Variants in CCBE1 observed in about 807,000 individuals in gnomAD.
The protein encoded by CCBE1 is collagen and calcium binding EGF domains 1, also known as collagen and calcium-binding EGF domain-containing protein 1.
Under a neutral mutation model 50.0 loss-of-function variants are expected in CCBE1, and 37 were observed. The ratio of observed to expected loss-of-function variants is 0.74; its 90% CI spans 0.57 to 0.97. The LOEUF (loss-of-function observed/expected upper bound fraction) is 0.97. Ranked by LOEUF, CCBE1 falls within the 50% of genes least tolerant of loss-of-function variation. The probability of loss-of-function intolerance (pLI) is 0.00; values close to 1 mark genes in which losing one functional copy is unlikely to be tolerated. For missense variants in CCBE1, 538 were observed against 523.8 expected (o/e 1.03, Z -0.26); for synonymous variants, 234 against 203.7 (o/e 1.15, Z -1.27).
At chr18:59,471,351 C>A (rs796756790) in intron 3 of CCBE1, among the ~76,000 whole-genome samples, 75 of 152,310 alleles carry the variant, frequency 4.9e-4, no homozygotes, top group African/African-American at 1.7e-3. Flanking sequence ...CTTCCAGTAA[C>A]AGAAGAGATG....
At chr18:59,586,718 C>G (rs1445495708) in intron 2 of CCBE1, among the ~76,000 whole-genome samples, 1 of 152,116 alleles carries the variant, frequency 6.6e-6, no homozygotes, top group African/African-American at 2.4e-5. Context: ...AGTTTCAGAC[C>G]CATTCAACAC....
rs1912636328 is a variant in CCBE1, at chr18:59,482,813, C to T, written c.213-2575G>A. On this transcript the variant is annotated intron_variant, in intron 2 of 10. Transcript: ENST00000439986. Reference sequence around the variant, plus strand: ...TCATATATGAGAAGCTGAGAATTAACCAGCTTACAGTGGATCTGCAAATCT... The same window carrying T: ...TCATATATGAGAAGCTGAGAATTAATCAGCTTACAGTGGATCTGCAAATCT... Among the ~76,000 whole-genome samples the T allele has an allele frequency of 2.7e-5, 4 of 149,440 alleles. No homozygotes were observed. The South Asian group carries it at 8.6e-4, about 32-fold the overall frequency.
intron 2 of CCBE1, among the ~76,000 whole-genome samples, chr18:59,655,682 C>T (rs1328511946): frequency 2.0e-5 from 3 of 152,198 alleles, no homozygotes; most frequent in Non-Finnish European, 1.5e-5. Flanking sequence ...AGCTAATGAG[C>T]TGGTTTTGCC....
intron 2 of CCBE1, among the ~76,000 whole-genome samples, chr18:59,576,360 T>C (rs1599028144): frequency 6.6e-6 from 1 of 152,252 alleles, no homozygotes; most frequent in South Asian, 2.1e-4. Context: ...TTTTCCGAAA[T>C]GGCTGTACCA....
intron 2 of CCBE1, among the ~76,000 whole-genome samples, chr18:59,510,805 G>A (rs1914099201): frequency 6.6e-6 from 1 of 152,174 alleles, no homozygotes; most frequent in East Asian, 1.9e-4. Context: ...CCTGATTATT[G>A]TATATTGCAT....
chr18:59,516,219 A>C lies in CCBE1; in HGVS notation c.213-35981T>G, dbSNP rs530979675. On this transcript the variant is annotated intron_variant, in intron 2 of 10. Transcript: ENST00000439986. ...AGTGATCCACCCGCCTCAGCCTCCC[A>C]AAGTGCTGGGATTACAGTTTGTTTT... Among the ~76,000 whole-genome samples, 5 of 150,666 alleles carry C rather than the reference A, an allele frequency of 3.3e-5. No homozygotes were observed. The South Asian group carries it at 1.0e-3, about 32-fold the overall frequency.
In CCBE1 at chr18:59,656,258, A is replaced by G. The variant is rs186989847; in HGVS notation, c.212+40371T>C. ...GGGGTAAGATTTCTGAGGGCACTAG[A>G]GTTGACTGAATTTTCTAGTACTTAA... On this transcript the variant is annotated intron_variant, in intron 2 of 10. Transcript: ENST00000439986. Among the ~76,000 whole-genome samples the G allele has an allele frequency of 4.6e-5, 7 of 152,370 alleles. No homozygotes were observed. The East Asian group carries it at 1.3e-3, about 29-fold the overall frequency.
intron 2 of CCBE1, among the ~76,000 whole-genome samples, chr18:59,611,430 G>T (rs1462942733): frequency 6.6e-6 from 1 of 152,230 alleles, no homozygotes; most frequent in Non-Finnish European, 1.5e-5. Context: ...CCACACATGA[G>T]TGAAGCAGAG....
intron 2 of CCBE1, among the ~76,000 whole-genome samples, chr18:59,591,430 G>C (rs1057426072): frequency 2.6e-5 from 4 of 152,080 alleles, no homozygotes; most frequent in Admixed American, 1.3e-4. Context: ...TTTGCATCAT[G>C]TATCACAAAT....
chr18:59,691,491 C>T (rs1438815180), intron 2 of CCBE1, among the ~76,000 whole-genome samples: 2 of 152,206 alleles, frequency 1.3e-5, no homozygotes, highest in East Asian at 3.8e-4. Context: ...CCACAACCTC[C>T]GCCTCCCAGG....
At chr18:59,443,413 G>A (rs1238609902) in intron 7 of CCBE1, among the ~76,000 whole-genome samples, 3 of 152,152 alleles carry the variant, frequency 2.0e-5, no homozygotes, top group African/African-American at 7.2e-5. Context: ...AGAGAGAGTG[G>A]GGGCCTGACA....
Position 59,645,947 on chromosome 18 carries a change from T to C in CCBE1, c.212+50682A>G, listed in dbSNP as rs1194021525. Among the ~76,000 whole-genome samples, 14 of 151,700 alleles carry C rather than the reference T, an allele frequency of 9.2e-5. No homozygotes were observed. The South Asian group carries it at 1.9e-3, about 20-fold the overall frequency. The stretch of plus-strand genomic sequence containing the variant: ...TTGGGAGGCTGAGGCAGGAGAATGG[T>C]GTGAACCCGGCAGACGGAGCTTGCA... On this transcript the variant is annotated intron_variant, in intron 2 of 10. Coordinates refer to ENST00000439986, the MANE Select transcript of CCBE1 (RefSeq NM_133459.4).
chr18:59,613,899 C>CA (rs1160899995), intron 2 of CCBE1, among the ~76,000 whole-genome samples: 28 of 96,286 alleles, frequency 2.9e-4, no homozygotes, highest in African/African-American at 1.2e-3. Context: ...CAGGGGGAGA[C>CA]AGTCTTGCTC....
intron 7 of CCBE1, among the ~76,000 whole-genome samples, chr18:59,447,027 A>G (rs1216809184): frequency 6.6e-6 from 1 of 152,222 alleles, no homozygotes; most frequent in Non-Finnish European, 1.5e-5. Context: ...CTAAAAATAT[A>G]AAATAACTTG....
rs186958588 is a variant in CCBE1, at chr18:59,566,457, A to C, written c.213-86219T>G. 1.6e-3 allele frequency among the ~76,000 whole-genome samples: 248 copies of C among 152,336 alleles called. 1 individual carries two copies. Among genetic ancestry groups the C allele is most frequent in the African/African-American group, 5.7e-3 (239 of 41,572 alleles). On this transcript the variant is annotated intron_variant, in intron 2 of 10. Coordinates refer to ENST00000439986, the MANE Select transcript of CCBE1 (RefSeq NM_133459.4). Reference sequence around the variant, plus strand: ...GGAAGCAAAAATAAAAAAAAAATTAAAAGTCAACCTAAGATGATGGAAGTA... The same window carrying C: ...GGAAGCAAAAATAAAAAAAAAATTACAAGTCAACCTAAGATGATGGAAGTA...
chr18:59,661,546 G>T (rs2054286010), intron 2 of CCBE1, among the ~76,000 whole-genome samples: 1 of 151,208 alleles, frequency 6.6e-6, no homozygotes, highest in African/African-American at 2.5e-5. Flanking sequence ...CAGAAACTGA[G>T]TTGGCAAATA....
chr18:59,644,377 T>A (rs1362951885), intron 2 of CCBE1, among the ~76,000 whole-genome samples: 2 of 152,222 alleles, frequency 1.3e-5, no homozygotes, highest in Non-Finnish European at 2.9e-5. Flanking sequence ...CTGGCTCACC[T>A]AAGGCTTCTC....
At chr18:59,629,091 C>G (rs1390228541) in intron 2 of CCBE1, among the ~76,000 whole-genome samples, 1 of 152,150 alleles carries the variant, frequency 6.6e-6, no homozygotes, top group Non-Finnish European at 1.5e-5. Context: ...CTCCTCTGTT[C>G]AAACTCTCCA....
intron 2 of CCBE1, among the ~76,000 whole-genome samples, chr18:59,551,769 A>T (rs999070322): frequency 1.1e-4 from 17 of 152,352 alleles, no homozygotes; most frequent in Middle Eastern, 3.4e-3. Flanking sequence ...GGGAATTCAA[A>T]GTCAGAAAGA....
Sources: allele counts gnomAD v4.1 joint callset (sites outside exome capture counted in the v4.1 genomes callset), GRCh38; gene constraint gnomAD v4.1.1; transcripts MANE v1.5; gene names NCBI Gene and HGNC (gene_info 2026-07-23, HGNC 2026-07-21).